TDRD12: variants seen among roughly 807,000 people sequenced by gnomAD.
TDRD12 encodes the protein tudor domain containing 12.
Under a neutral mutation model 133.5 loss-of-function variants are expected in TDRD12, and 158 were observed. The observed-to-expected ratio is 1.18, with a 90% CI of 1.04 to 1.35. TDRD12 has a LOEUF of 1.35. TDRD12 is among the 40% of genes most tolerant of loss of function. The pLI is 0.00. For missense variants in TDRD12, 1,443 were observed against 1,321.3 expected (o/e 1.09, Z -1.43); for synonymous variants, 460 against 477.9 (o/e 0.96, Z 0.49).
intron 24 of TDRD12, 90 bp downstream of exon 24, chr19:32,811,510 A>G: frequency 8.0e-7 from 1 of 1,257,480 alleles, no homozygotes; most frequent in Non-Finnish European, 1.1e-6. Context: ...CTGGATTTAC[A>G]GTGTCACGTT....
chr19:32,809,382 G>T (rs138532497), intron 22 of TDRD12, among the ~76,000 whole-genome samples: 5 of 152,276 alleles, frequency 3.3e-5, no homozygotes, highest in African/African-American at 1.2e-4. Context: ...CAGGTCTATT[G>T]CTTCCCTCTG....
intron 11 of TDRD12, among the ~76,000 whole-genome samples, chr19:32,781,802 C>A (rs552017364): frequency 6.6e-6 from 1 of 151,812 alleles, no homozygotes; most frequent in East Asian, 1.9e-4. Flanking sequence ...GCTTGTCATT[C>A]AGTGGACACT....
chr19:32,726,040 A>G (rs1246106235), intron 1 of TDRD12, among the ~76,000 whole-genome samples: 1 of 151,988 alleles, frequency 6.6e-6, no homozygotes, highest in Non-Finnish European at 1.5e-5. Flanking sequence ...TGCCATCTCA[A>G]CCATTTTTAA....
chr19:32,759,991 G>T (rs1218509736), intron 8 of TDRD12, among the ~76,000 whole-genome samples: 1 of 152,212 alleles, frequency 6.6e-6, no homozygotes, highest in African/African-American at 2.4e-5. Flanking sequence ...TCTTGTAGGG[G>T]GTCCCCAGGT....
chr19:32,748,520 A>G, exon 5 of TDRD12: 1 of 1,551,564 alleles, frequency 6.4e-7, no homozygotes, highest in Non-Finnish European at 8.7e-7. Context: ...TACTTTCAGA[A>G]CCTTCTGAAA....
chr19:32,743,952 C>A (rs1043393911), intron 4 of TDRD12, among the ~76,000 whole-genome samples: 2 of 149,902 alleles, frequency 1.3e-5, no homozygotes, highest in Non-Finnish European at 1.5e-5. Context: ...TGCTTGAACC[C>A]GGGAGGCAGA....
rs1208511947 is a variant in TDRD12 at position 32,794,022 on chromosome 19, G to A, written c.1288-606G>A. On this transcript the variant is annotated intron_variant, in intron 13 of 27. Transcript: ENST00000444215. The stretch of plus-strand genomic sequence containing the variant: ...TTGGTCAGGCTGGTCTTGAACTCCC[G>A]ACCTCAGGTGATCTGCTCGCCTTGA... Among the ~76,000 whole-genome samples the A allele has an allele frequency of 2.7e-5, 4 of 147,242 alleles. 1 individual carries two copies. Among genetic ancestry groups the A allele is most frequent in the South Asian group, 4.4e-4 (2 of 4,580 alleles).
chr19:32,750,800 T>C (rs1969801275), intron 6 of TDRD12, among the ~76,000 whole-genome samples: 2 of 152,176 alleles, frequency 1.3e-5, no homozygotes, highest in Non-Finnish European at 2.9e-5. Flanking sequence ...TGTTCCTCAA[T>C]TTGGTTTGCC....
chr19:32,734,718 G>A (rs1347558864), intron 2 of TDRD12, among the ~76,000 whole-genome samples: 2 of 151,960 alleles, frequency 1.3e-5, no homozygotes, highest in African/African-American at 4.8e-5. Context: ...TTGTGAATTC[G>A]CAGTAACTAT....
At chr19:32,780,071 CT>C (rs1568473747) in intron 11 of TDRD12, among the ~76,000 whole-genome samples, 1 of 141,626 alleles carries the variant, frequency 7.1e-6, no homozygotes, top group African/African-American at 2.6e-5. Flanking sequence ...TATGCCCATT[CT>C]TTTTTTCTTT....
At chr19:32,774,399 A>G (rs981394910) in intron 10 of TDRD12, among the ~76,000 whole-genome samples, 1 of 148,610 alleles carries the variant, frequency 6.7e-6, no homozygotes, top group Non-Finnish European at 1.5e-5. Context: ...TTTTCCTTCC[A>G]CCTAAGGGCT....
Position 32,808,783 on chromosome 19 carries a change from T to C in TDRD12, c.2652+1135T>C, listed in dbSNP as rs1966901645. ...TTTCTAAGTTGTTGTAATTCTGATC[T>C]GTTACTCTTTTATACACTCATTGTT... On this transcript the variant is annotated intron_variant, in intron 22 of 27. Transcript: ENST00000444215. Among the ~76,000 whole-genome samples the C allele has an allele frequency of 3.9e-5, 6 of 152,234 alleles. No individual in the cohort carries two copies. The South Asian group carries it at 1.2e-3, about 32-fold the overall frequency.
exon 20 of TDRD12, chr19:32,802,740 T>G: frequency 6.5e-7 from 1 of 1,536,460 alleles, no homozygotes; most frequent in South Asian, 1.2e-5. Flanking sequence ...TCACCAAAAG[T>G]TTTTGGTGGA....
At chr19:32,737,670 C>T (rs367866509) in intron 2 of TDRD12, among the ~76,000 whole-genome samples, 1 of 152,178 alleles carries the variant, frequency 6.6e-6, no homozygotes, top group East Asian at 1.9e-4. Context: ...GGTGAGACTA[C>T]AGGCACGTAC....
At chr19:32,746,302 C>CAG (rs1165976484) in intron 4 of TDRD12, among the ~76,000 whole-genome samples, 2 of 59,660 alleles carry the variant, frequency 3.4e-5, no homozygotes, top group African/African-American at 6.8e-5. Flanking sequence ...CTGTGTGTGA[C>CAG]AGAGGGGGAG....
chr19:32,746,981 TGA>T (rs1031138298), intron 4 of TDRD12, among the ~76,000 whole-genome samples: 3 of 142,546 alleles, frequency 2.1e-5, no homozygotes, highest in East Asian at 4.4e-4. Flanking sequence ...GGTTATTCTG[TGA>T]GAGAGAGGAG....
intron 14 of TDRD12, among the ~76,000 whole-genome samples, 171 bp downstream of exon 14, chr19:32,794,984 T>C (rs1971182270): frequency 6.6e-6 from 1 of 152,224 alleles, no homozygotes; most frequent in African/African-American, 2.4e-5. Context: ...ACTGATGCTC[T>C]CATACTGATT....
downstream of TDRD12, among the ~76,000 whole-genome samples, chr19:32,823,691 G>A (rs942758537): frequency 6.6e-6 from 1 of 152,218 alleles, no homozygotes; most frequent in Non-Finnish European, 1.5e-5. Flanking sequence ...GGAACCACTG[G>A]AAAAGGGTTC....
intron 11 of TDRD12, among the ~76,000 whole-genome samples, chr19:32,780,277 G>A (rs1970724350): frequency 1.3e-5 from 2 of 151,736 alleles, no homozygotes; most frequent in South Asian, 4.2e-4. Context: ...ATAGAGACGG[G>A]GTTTCGCCAT....
Sources: allele counts gnomAD v4.1 joint callset (sites outside exome capture counted in the v4.1 genomes callset), GRCh38; gene constraint gnomAD v4.1.1; transcripts MANE v1.5; gene names NCBI Gene and HGNC (gene_info 2026-07-23, HGNC 2026-07-21).